The following CNOT6L variants were observed in gnomAD, a reference collection of about 807,000 sequenced individuals.
The protein encoded by CNOT6L is CCR4-NOT transcription complex subunit 6 like.
CNOT6L carries 7 observed loss-of-function variants against 64.0 expected under a neutral mutation model. That is an observed-to-expected ratio of 0.11 (90% CI 0.06 to 0.21). CNOT6L has a LOEUF of 0.21. CNOT6L is among the 10% of genes least tolerant of loss of function. The pLI, the probability that CNOT6L is intolerant of heterozygous loss-of-function variation, is 1.00. For synonymous variants in CNOT6L, 193 were observed against 243.4 expected (o/e 0.79, Z 1.93); for missense variants, 245 against 669.0 (o/e 0.37, Z 6.99).
chr4:77,733,883 G>A (rs554887130), intron 8 of CNOT6L, among the ~76,000 whole-genome samples: 6 of 151,956 alleles, frequency 3.9e-5, no homozygotes, highest in Non-Finnish European at 5.9e-5. Flanking sequence ...GAAAAGAAAC[G>A]ATCAGTTACA....
intron 1 of CNOT6L, among the ~76,000 whole-genome samples, chr4:77,808,462 C>CAAAAAA (rs1191618329): frequency 1.7e-5 from 1 of 59,716 alleles, no homozygotes; most frequent in African/African-American, 6.1e-5. Context: ...TCTGCCATCT[C>CAAAAAA]AAAAAAAAAA....
intron 8 of CNOT6L, among the ~76,000 whole-genome samples, chr4:77,741,349 G>A (rs1413790327): frequency 1.3e-5 from 2 of 152,146 alleles, no homozygotes; most frequent in African/African-American, 2.4e-5. Context: ...TAAAATAGAT[G>A]TAAAATGGGG....
chr4:77,718,012 C>CTT lies in CNOT6L; in HGVS notation c.*2417_*2418dup, dbSNP rs1720922635. 6.8e-6 allele frequency: 1 copy of CTT among 147,036 alleles called. No individual in the cohort carries two copies. The allele number at this position is 147,036 out of a possible 1,614,324, so 9.1% of individuals were successfully genotyped here. ...GTGCCTCGATCATACACAAAATAAA[C>CTT]TTAAGCTGTTTACAATGTTTCCCAT... On this transcript the variant is annotated 3_prime_UTR_variant, in exon 12 of 12. Coordinates refer to ENST00000504123, the MANE Select transcript of CNOT6L (RefSeq NM_144571.3).
At chr4:77,761,914 A>T (rs1726287063) in intron 4 of CNOT6L, among the ~76,000 whole-genome samples, 1 of 152,200 alleles carries the variant, frequency 6.6e-6, no homozygotes, top group South Asian at 2.1e-4. Flanking sequence ...AATACAATTA[A>T]ATATCAATTG....
intron 1 of CNOT6L, among the ~76,000 whole-genome samples, chr4:77,801,514 T>C (rs931061515): frequency 6.6e-6 from 1 of 152,028 alleles, no homozygotes; most frequent in Non-Finnish European, 1.5e-5. Flanking sequence ...ACATGTAACA[T>C]ACCAAAAAAA....
intron 8 of CNOT6L, among the ~76,000 whole-genome samples, chr4:77,741,324 A>G (rs1021544064): frequency 6.6e-6 from 1 of 152,190 alleles, no homozygotes; most frequent in Non-Finnish European, 1.5e-5. Context: ...ATCAATAAAA[A>G]CAGATTGGCT....
At chr4:77,803,939 A>C (rs2110153217) in intron 1 of CNOT6L, among the ~76,000 whole-genome samples, 1 of 152,232 alleles carries the variant, frequency 6.6e-6, no homozygotes, top group Non-Finnish European at 1.5e-5. Flanking sequence ...GTGGAAATGT[A>C]AAACAGCGCT....
At chr4:77,775,416 T>C (rs1272118115) in intron 2 of CNOT6L, among the ~76,000 whole-genome samples, 1 of 152,232 alleles carries the variant, frequency 6.6e-6, no homozygotes, top group African/African-American at 2.4e-5. Context: ...ATTCTATTTT[T>C]AATAACTTTA....
At chr4:77,781,772 T>C (rs1728883689) in intron 1 of CNOT6L, among the ~76,000 whole-genome samples, 1 of 152,224 alleles carries the variant, frequency 6.6e-6, no homozygotes, top group African/African-American at 2.4e-5. Context: ...AGTGTTAAAT[T>C]ACAGTTTCTC....
rs1159221614 is a variant in CNOT6L at position 77,748,350 on chromosome 4, A to G, written c.525T>C (p.Ile175=). The G allele has an allele frequency of 2.5e-6, 4 of 1,612,744 alleles. No homozygotes were observed. The highest frequency in any genetic ancestry group is 2.5e-6 in the Non-Finnish European group (3 of 1,179,184). Residue 175 remains isoleucine, a synonymous_variant, in exon 6 of 12, where the codon ATT becomes ATC. Transcript: ENST00000504123. ...HPEQLPPRPW[I]TLKERDQILP... is the part of the protein sequence containing the mutation. ...GAATTTGGTCTCGTTCTTTTAATGTAATCCATGGCCTCGGAGGAAGCTGCT... is the reference window on the plus strand; with the variant it reads ...GAATTTGGTCTCGTTCTTTTAATGTGATCCATGGCCTCGGAGGAAGCTGCT...
intron 1 of CNOT6L, among the ~76,000 whole-genome samples, chr4:77,789,278 T>C (rs1317097133): frequency 6.6e-6 from 1 of 152,010 alleles, no homozygotes; most frequent in Non-Finnish European, 1.5e-5. Flanking sequence ...AAACTGACTA[T>C]GCTGAGTACA....
At chr4:77,768,490 T>A (rs1311576705) in intron 4 of CNOT6L, among the ~76,000 whole-genome samples, 1 of 4,136 alleles carries the variant, frequency 2.4e-4, no homozygotes, top group South Asian at 4.4e-3. Flanking sequence ...TATATATATA[T>A]ATATATATAT....
At chr4:77,798,738 A>C (rs536705647) in intron 1 of CNOT6L, among the ~76,000 whole-genome samples, 2 of 151,830 alleles carry the variant, frequency 1.3e-5, no homozygotes, top group African/African-American at 4.8e-5. Context: ...TAATTGCAAC[A>C]CTTTGGGAGG....
chr4:77,784,570 A>T (rs1375642435), intron 1 of CNOT6L, among the ~76,000 whole-genome samples: 1 of 151,176 alleles, frequency 6.6e-6, no homozygotes, highest in Non-Finnish European at 1.5e-5. Flanking sequence ...TGCAGCCTCA[A>T]CCTCCTGGGT....
At chr4:77,764,880 G>C (rs1411724435) in intron 4 of CNOT6L, among the ~76,000 whole-genome samples, 1 of 152,112 alleles carries the variant, frequency 6.6e-6, no homozygotes, top group Non-Finnish European at 1.5e-5. Flanking sequence ...AGGATTAAAG[G>C]TTCTCTTATA....
chr4:77,776,334 T>C lies in CNOT6L; in HGVS notation c.64A>G (p.Ile22Val). 1 of 1,611,362 alleles carries C rather than the reference T, an allele frequency of 6.2e-7. No homozygotes were observed. Among genetic ancestry groups the C allele is most frequent in the Non-Finnish European group, 8.5e-7 (1 of 1,178,644 alleles). ...TTGGCTACCTCCTCTGCTGACATGA[T>C]GGTATAAATTCTGCGAGGATCTGGA... is the stretch of plus-strand genomic sequence containing the variant. ...DPPDPRRIYT[I>V]MSAEEVANGK... The change falls in exon 2 of 12, where the codon ATC becomes GTC. Residue 22 changes from isoleucine (I) to valine (V), a missense_variant. Around this residue, in one of 10 missense-constraint regions of CNOT6L, gnomAD observed 78 missense variants for 137.6 expected, o/e 0.57. Transcript: ENST00000504123.
intron 4 of CNOT6L, among the ~76,000 whole-genome samples, chr4:77,772,419 T>C (rs752512807): frequency 1.7e-4 from 26 of 151,732 alleles, no homozygotes; most frequent in Non-Finnish European, 3.1e-4. Flanking sequence ...AGAGACAGGG[T>C]TTCTCCATGT....
intron 11 of CNOT6L, among the ~76,000 whole-genome samples, chr4:77,725,412 A>G (rs1433291501): frequency 2.0e-5 from 3 of 152,206 alleles, no homozygotes; most frequent in Non-Finnish European, 2.9e-5. Context: ...GAAATGCCAG[A>G]AAGTCAAAGA....
At position 77,719,001 on chromosome 4, in the gene CNOT6L, A is replaced by T. The variant is rs1721028854; in HGVS notation, c.*1430T>A. The stretch of plus-strand genomic sequence containing the variant: ...GAGACTAGAAACAGTAAAGTGCATG[A>T]AAAGTTTAAAATATAAATTTCAGAA... On this transcript the variant is annotated 3_prime_UTR_variant, in exon 12 of 12. Transcript: ENST00000504123. The T allele has an allele frequency of 1.3e-5, 2 of 152,570 alleles. No individual in the cohort carries two copies. Among genetic ancestry groups the T allele is most frequent in the South Asian group, 4.1e-4 (2 of 4,830 alleles). 9.5% of individuals were successfully genotyped at this position (152,570 alleles called of 1,614,324 possible).
Sources: allele counts gnomAD v4.1 joint callset (sites outside exome capture counted in the v4.1 genomes callset), GRCh38; gene constraint gnomAD v4.1.1; regional missense constraint gnomAD v4.1.1; transcripts MANE v1.5; gene names NCBI Gene and HGNC (gene_info 2026-07-23, HGNC 2026-07-21).